Variants in PFKFB4 observed in about 807,000 individuals in gnomAD.
PFKFB4 encodes the protein 6-phosphofructo-2-kinase/fructose-2,6-biphosphatase 4, also known as 6-phosphofructo-2-kinase/fructose-2,6-bisphosphatase 4.
In PFKFB4, 42 loss-of-function variants were observed where a neutral mutation model predicts 62.8. The ratio of observed to expected loss-of-function variants is 0.67; its 90% CI spans 0.52 to 0.86. The LOEUF is 0.86. Ranked by LOEUF, PFKFB4 falls within the 40% of genes least tolerant of loss-of-function variation. PFKFB4 has a pLI of 0.00. For synonymous variants in PFKFB4, 204 were observed against 240.7 expected (o/e 0.85, Z 1.41); for missense variants, 475 against 627.2 (o/e 0.76, Z 2.59).
chr3:48,532,331 A>T (rs543606409), intron 9 of PFKFB4, among the ~76,000 whole-genome samples: 1 of 152,222 alleles, frequency 6.6e-6, no homozygotes, highest in South Asian at 2.1e-4. Context: ...ATAAATAAAT[A>T]AATAATAAAA....
At chr3:48,543,511 G>T in intron 4 of PFKFB4, 69 bp downstream of exon 4, 1 of 1,411,450 alleles carries the variant, frequency 7.1e-7, no homozygotes, top group Non-Finnish European at 9.8e-7. Context: ...GATGCCTGAC[G>T]AGCAAAGGCA....
At chr3:48,533,476 G>A (rs2042492228) in intron 9 of PFKFB4, among the ~76,000 whole-genome samples, 1 of 152,080 alleles carries the variant, frequency 6.6e-6, no homozygotes, top group Non-Finnish European at 1.5e-5. Flanking sequence ...ATTGAAATGG[G>A]AACCACCCAT....
Position 48,521,842 on chromosome 3 carries a change from C to T in PFKFB4, c.1350+144G>A. ...GCCCCACCCAGAGCCAGGGCCCCGC[C>T]CTGCTGATGGGACAACAGTCTTGGC... On this transcript the variant is annotated intron_variant, in intron 13 of 13. Transcript: ENST00000232375. This position sits in a 1 kb window ranked among gnomAD's most constrained non-coding sequence, Gnocchi z 5.3. The T allele has an allele frequency of 2.7e-6, 2 of 732,150 alleles. No individual in the cohort carries two copies. 45.4% of individuals were successfully genotyped at this position (732,150 alleles called of 1,614,324 possible). A position where few individuals can be genotyped will look rare whatever the true frequency, so the allele number is the denominator to read the frequency against.
At chr3:48,522,128 G>C (rs2042115542) in intron 12 of PFKFB4, 78 bp from the exon 13 acceptor site, 4 of 1,302,404 alleles carry the variant, frequency 3.1e-6, no homozygotes, top group Admixed American at 3.4e-5. Flanking sequence ...TTCTCTTGGA[G>C]GGGGGTCTGG....
chr3:48,529,470 C>T (rs1250406162), intron 9 of PFKFB4, among the ~76,000 whole-genome samples: 2 of 151,994 alleles, frequency 1.3e-5, no homozygotes, highest in Non-Finnish European at 2.9e-5. Context: ...AGATTAACTT[C>T]AAAGGAAAAA....
rs141995766 is a variant in PFKFB4, at chr3:48,523,777, C to T, written c.1146G>A (p.Arg382=). Reference sequence around the variant, plus strand: ...GGCAGATGACCAGCACATTCTCTTGCCTCTCCAGCTCCATGATGACAGGCT... The same window carrying T: ...GGCAGATGACCAGCACATTCTCTTGTCTCTCCAGCTCCATGATGACAGGCT... ...RLEPVIMELE[R]QENVLVICHQ... Residue 382 remains arginine, a synonymous_variant, in exon 11 of 14, where the codon AGG becomes AGA. Transcript: ENST00000232375. 153 of 1,614,192 alleles carry T rather than the reference C, an allele frequency of 9.5e-5. No homozygotes were observed. The African/African-American group carries it at 1.8e-3, about 19-fold the overall frequency.
chr3:48,538,441 G>C (rs969081168), intron 7 of PFKFB4, 57 bp downstream of exon 7: 4 of 1,599,532 alleles, frequency 2.5e-6, no homozygotes, highest in Non-Finnish European at 3.4e-6. Context: ...AGGCAGCCAA[G>C]TATGACCCCT....
chr3:48,559,018 C>T (rs1274366294), upstream of PFKFB4, among the ~76,000 whole-genome samples: 1 of 152,240 alleles, frequency 6.6e-6, no homozygotes, highest in East Asian at 1.9e-4. Context: ...CACCCAGCAC[C>T]TCCTCTGGCC....
intron 10 of PFKFB4, among the ~76,000 whole-genome samples, chr3:48,524,223 A>G (rs947755294): frequency 6.6e-6 from 1 of 152,142 alleles, no homozygotes; most frequent in Non-Finnish European, 1.5e-5. Flanking sequence ...GAGAGCAAAG[A>G]CCTGGAACTT....
chr3:48,530,594 T>C (rs1484076298), intron 9 of PFKFB4, among the ~76,000 whole-genome samples: 5 of 152,160 alleles, frequency 3.3e-5, no homozygotes, highest in African/African-American at 1.2e-4. Context: ...AGATCAAACA[T>C]ACCAGTAATG....
At chr3:48,522,116 ACTT>A (rs1227947155) in intron 12 of PFKFB4, 66 bp from the exon 13 acceptor site, 1 of 1,446,902 alleles carries the variant, frequency 6.9e-7, no homozygotes, top group African/African-American at 1.4e-5. Context: ...GATGCTAGAA[ACTT>A]CTCTTGGAGG....
rs943355847 is a variant in PFKFB4 at position 48,525,606 on chromosome 3, G to A, written c.1051C>T (p.Arg351Trp). The change falls in exon 10 of 14, where the codon CGG becomes TGG. Residue 351 changes from arginine to tryptophan, a missense_variant. Physicochemically the swap from Arg to Trp is moderately radical, Grantham distance 101 (BLOSUM62 -3). Coordinates refer to ENST00000232375, the MANE Select transcript of PFKFB4 (RefSeq NM_004567.4). ...QDNYPLEFALRDQDKYRYRYP... is the reference protein window; with the variant it reads ...QDNYPLEFALWDQDKYRYRYP... ...CGGTACCGGTACTTGTCCTGGTCCCGCAGGGCGAACTCCAGTGGATAATTA... is the reference window on the plus strand; with the variant it reads ...CGGTACCGGTACTTGTCCTGGTCCCACAGGGCGAACTCCAGTGGATAATTA... 7.5e-6 allele frequency: 12 copies of A among 1,606,600 alleles called. No homozygotes were observed. The highest frequency in any genetic ancestry group is 2.3e-5 in the East Asian group (1 of 44,088).
chr3:48,548,717 C>T (rs926340016), intron 3 of PFKFB4: 1 of 152,158 alleles, frequency 6.6e-6, no homozygotes, highest in Non-Finnish European at 1.5e-5. Context: ...TAGGTTCAGA[C>T]ATTAGTCCTC....
chr3:48,555,343 T>G (rs542694880), intron 1 of PFKFB4, among the ~76,000 whole-genome samples: 15 of 152,108 alleles, frequency 9.9e-5, no homozygotes, highest in Admixed American at 9.8e-4. Flanking sequence ...TGGCCAGAAA[T>G]ACACACACCC....
At chr3:48,547,379 G>A (rs1036467056) in intron 3 of PFKFB4, among the ~76,000 whole-genome samples, 4 of 152,120 alleles carry the variant, frequency 2.6e-5, no homozygotes, top group African/African-American at 4.8e-5. Flanking sequence ...GCATGCATGT[G>A]CCCACGTGTG....
rs1322526128 is a variant in PFKFB4, at chr3:48,521,928, G to A, written c.1350+58C>T. On this transcript the variant is annotated intron_variant, in intron 13 of 13. Transcript: ENST00000232375. This position sits in a 1 kb window ranked among gnomAD's most constrained non-coding sequence, Gnocchi z 5.3. The stretch of plus-strand genomic sequence containing the variant: ...TGGGCCTGGCCCTGGAGGATGTGCA[G>A]TCTGGACACCCCCACATCAGGAACA... The A allele has an allele frequency of 7.0e-7, 1 of 1,430,026 alleles. No individual in the cohort carries two copies. Among genetic ancestry groups the A allele is most frequent in the African/African-American group, 1.4e-5 (1 of 71,394 alleles). The allele number at this position is 1,430,026 out of a possible 1,614,324, so 88.6% of individuals were successfully genotyped here.
rs528923248 is a variant in PFKFB4, at chr3:48,541,844, T to A, written c.378+1736A>T. 1.2e-3 allele frequency among the ~76,000 whole-genome samples: 185 copies of A among 152,222 alleles called. 4 individuals carry two copies. In the South Asian group the frequency reaches 0.037, roughly 31 times the overall value. On this transcript the variant is annotated intron_variant, in intron 4 of 13. Transcript: ENST00000232375. ...AGCCAAGCATGGTGGCACGTGCCTG[T>A]AGTCCCAGCTACTCAGGAGGCTGAG... is the stretch of plus-strand genomic sequence containing the variant.
upstream of PFKFB4, chr3:48,559,674 G>A: frequency 1.3e-5 from 6 of 450,982 alleles, no homozygotes; most frequent in South Asian, 9.4e-5. Context: ...AAGTATGCTG[G>A]GATGTCTGTA....
chr3:48,545,838 A>T (rs2042944815), intron 3 of PFKFB4, among the ~76,000 whole-genome samples: 1 of 152,086 alleles, frequency 6.6e-6, no homozygotes, highest in Non-Finnish European at 1.5e-5. Flanking sequence ...TCATGCCAAA[A>T]ACATCTGAAT....
Sources: gnomAD v4.1 joint callset for allele counts (sites outside exome capture counted in the v4.1 genomes callset) on GRCh38, gnomAD v4.1.1 for gene constraint, Gnocchi (gnomAD v3.1) non-coding constraint, MANE v1.5 for transcripts, NCBI Gene and HGNC (gene_info 2026-07-23, HGNC 2026-07-21) for gene names.